The following ACSL4 variants were observed in gnomAD, a reference collection of about 807,000 sequenced individuals.
The protein encoded by ACSL4 is acyl-CoA synthetase long chain family member 4.
Under a neutral mutation model 49.1 loss-of-function variants are expected in ACSL4, and 9 were observed. The observed-to-expected ratio is 0.18, with a 90% CI of 0.11 to 0.32. The LOEUF is 0.32. Ranked by LOEUF, ACSL4 falls within the 10% of genes least tolerant of loss-of-function variation. The pLI, the probability that ACSL4 is intolerant of heterozygous loss-of-function variation, is 1.00. For missense variants in ACSL4, 333 were observed against 493.7 expected (o/e 0.67, Z 3.08); for synonymous variants, 191 against 170.3 (o/e 1.12, Z -0.95).
chrX:109,730,716 G>A lies in ACSL4; in HGVS notation c.-66+2423C>T, dbSNP rs924712392. ...CAATTACAGTTGTAAGGCAGTATGT[G>A]AGTGCGGTGGCGCGATCTCGGCTCA... On this transcript the variant is annotated intron_variant, in intron 1 of 15. Coordinates refer to ENST00000672401, the MANE Select transcript of ACSL4 (RefSeq NM_001318510.2). Among the ~76,000 whole-genome samples the A allele has an allele frequency of 2.7e-5, 3 of 112,623 alleles. No homozygotes were observed. In the Admixed American group the frequency reaches 2.8e-4, roughly 11 times the overall value.
At position 109,678,575 on chromosome X, in the gene ACSL4, A is replaced by G. The variant is rs149379265; in HGVS notation, c.656-160T>C. On this transcript the variant is annotated intron_variant, in intron 6 of 15. Coordinates refer to ENST00000672401, the MANE Select transcript of ACSL4 (RefSeq NM_001318510.2). ...CTGGGTGAGGTGGCTCATGCCTGTAATCCTAGTACTTTGAGAGGCCAAGGT... is the reference window on the plus strand; with the variant it reads ...CTGGGTGAGGTGGCTCATGCCTGTAGTCCTAGTACTTTGAGAGGCCAAGGT... Among the ~76,000 whole-genome samples the G allele has an allele frequency of 3.9e-3, 435 of 112,785 alleles. 4 individuals carry two copies. Among genetic ancestry groups the G allele is most frequent in the Non-Finnish European group, 7.1e-3 (379 of 53,319 alleles).
At position 109,641,446 on chromosome X, in the gene ACSL4, T is replaced by C. The variant is rs920426634; in HGVS notation, c.*2583A>G. 8.8e-6 allele frequency: 1 copy of C among 113,242 alleles called. No homozygotes were observed. Among genetic ancestry groups the C allele is most frequent in the Admixed American group, 9.3e-5 (1 of 10,714 alleles). 9.3% of individuals were successfully genotyped at this position (113,242 alleles called of 1,213,427 possible). ...CAAAATCTAAACAATTCTGCAATCATGCATTTTAACAGAAAGTACAAATAT... is the reference window on the plus strand; with the variant it reads ...CAAAATCTAAACAATTCTGCAATCACGCATTTTAACAGAAAGTACAAATAT... On this transcript the variant is annotated 3_prime_UTR_variant, in exon 16 of 16. Transcript: ENST00000672401.
intron 15 of ACSL4, among the ~76,000 whole-genome samples, chrX:109,650,130 G>C (rs1934952229): frequency 9.0e-6 from 1 of 111,299 alleles, no homozygotes; most frequent in Non-Finnish European, 1.9e-5. Context: ...GATTCCTCAG[G>C]GATCTAGAAC....
At chrX:109,722,872 T>C (rs1324951467) in intron 1 of ACSL4, among the ~76,000 whole-genome samples, 3 of 111,699 alleles carry the variant, frequency 2.7e-5, no homozygotes, top group South Asian at 3.7e-4. Flanking sequence ...CAAATCAGTA[T>C]GTACAGTAAA....
At chrX:109,666,907 T>A (rs749707708) in intron 11 of ACSL4, among the ~76,000 whole-genome samples, 1 of 111,741 alleles carries the variant, frequency 8.9e-6, no homozygotes, top group Non-Finnish European at 1.9e-5. Context: ...AGAGCAAGAC[T>A]CTGTCTCAAA....
chrX:109,684,191 G>A (rs1453235447), intron 2 of ACSL4, among the ~76,000 whole-genome samples: 3 of 112,206 alleles, frequency 2.7e-5, no homozygotes, highest in Non-Finnish European at 5.6e-5. Context: ...CTTCATTAAG[G>A]TAAATTTCTC....
intron 8 of ACSL4, among the ~76,000 whole-genome samples, chrX:109,677,656 C>A (rs1339531631): frequency 9.1e-6 from 1 of 109,726 alleles, no homozygotes; most frequent in Non-Finnish European, 1.9e-5. Flanking sequence ...TGGCGGGCGC[C>A]TGCAATCCCA....
chrX:109,667,657 G>A lies in ACSL4; in HGVS notation c.1315+444C>T, dbSNP rs188207412. Among the ~76,000 whole-genome samples the A allele has an allele frequency of 2.1e-3, 241 of 112,118 alleles. 1 individual carries two copies. Among genetic ancestry groups the A allele is most frequent in the Middle Eastern group, 9.2e-3 (2 of 218 alleles). ...ACCGCCTGTAATCCCAGCACTTTGG[G>A]AGGCCGAGGCAGGCAGATCACCTGA... On this transcript the variant is annotated intron_variant, in intron 11 of 15. Transcript: ENST00000672401.
intron 15 of ACSL4, among the ~76,000 whole-genome samples, chrX:109,653,861 C>T (rs1340189950): frequency 1.8e-5 from 2 of 108,243 alleles, no homozygotes; most frequent in East Asian, 2.9e-4. Flanking sequence ...TGCTAAATGA[C>T]GAGTTAATGG....
At chrX:109,724,587 T>C (rs187320639) in intron 1 of ACSL4, among the ~76,000 whole-genome samples, 4 of 111,503 alleles carry the variant, frequency 3.6e-5, no homozygotes, top group African/African-American at 9.8e-5. Context: ...GTTGGAACCA[T>C]AGGCACATGG....
chrX:109,689,810 G>C (rs148106807), intron 2 of ACSL4, among the ~76,000 whole-genome samples: 2 of 111,699 alleles, frequency 1.8e-5, no homozygotes, highest in Non-Finnish European at 3.8e-5. Context: ...CATGTTTACT[G>C]TCTATGCTCC....
chrX:109,702,147 G>A (rs1173381810), intron 1 of ACSL4, among the ~76,000 whole-genome samples: 3 of 110,036 alleles, frequency 2.7e-5, no homozygotes, highest in African/African-American at 9.9e-5. Flanking sequence ...CCCGGGAGGC[G>A]GAGGTTGCAG....
chrX:109,689,118 A>G (rs1478795025), intron 2 of ACSL4, among the ~76,000 whole-genome samples: 1 of 111,149 alleles, frequency 9.0e-6, no homozygotes, highest in Admixed American at 9.6e-5. Context: ...ACTTGCTTTG[A>G]CCAAAAACCT....
intron 15 of ACSL4, among the ~76,000 whole-genome samples, chrX:109,645,880 A>C (rs1304760997): frequency 8.9e-6 from 1 of 112,629 alleles, no homozygotes; most frequent in African/African-American, 3.2e-5. Context: ...AGAATGCAGA[A>C]GCCTCAGGAG....
Position 109,669,020 on chromosome X carries a change from T to A in ACSL4, c.1142+14A>T. 1 of 1,199,410 alleles carries A rather than the reference T, an allele frequency of 8.3e-7. No homozygotes were observed. Among genetic ancestry groups the A allele is most frequent in the Non-Finnish European group, 1.1e-6 (1 of 886,282 alleles). On this transcript the variant is annotated intron_variant, in intron 10 of 15. Coordinates refer to ENST00000672401, the MANE Select transcript of ACSL4 (RefSeq NM_001318510.2). The stretch of plus-strand genomic sequence containing the variant: ...TTAAAGGCTCAAACCACAGAGCCTA[T>A]GAAATGTACTTACAGATTGCAAAGA...
At position 109,711,992 on chromosome X, in the gene ACSL4, T is replaced by C. The variant is rs551895028; in HGVS notation, c.-65-15796A>G. ...ATGTAGAAAGGAAACCAAAAAAGGA[T>C]TTCCAAGATAAATCTTTCAATCTGA... On this transcript the variant is annotated intron_variant, in intron 1 of 15. Transcript: ENST00000672401. Among the ~76,000 whole-genome samples, 10 of 112,209 alleles carry C rather than the reference T, an allele frequency of 8.9e-5. No individual in the cohort carries two copies. In the South Asian group the frequency reaches 1.5e-3, roughly 17 times the overall value.
intron 8 of ACSL4, among the ~76,000 whole-genome samples, chrX:109,677,116 C>T (rs1362588717): frequency 9.1e-6 from 1 of 110,041 alleles, no homozygotes; most frequent in East Asian, 2.9e-4. Flanking sequence ...CCCACCACCT[C>T]GCCCAGCTAA....
chrX:109,670,533 C>T (rs1923091240), intron 9 of ACSL4, among the ~76,000 whole-genome samples: 1 of 105,355 alleles, frequency 9.5e-6, no homozygotes, highest in African/African-American at 3.5e-5. Context: ...TGCAGTGAGC[C>T]GACATCACAC....
At chrX:109,707,284 A>G (rs1027044757) in intron 1 of ACSL4, among the ~76,000 whole-genome samples, 3 of 112,049 alleles carry the variant, frequency 2.7e-5, no homozygotes, top group African/African-American at 9.7e-5. Context: ...CTGGGGGTCC[A>G]TAAAAACTAG....
Sources: allele counts gnomAD v4.1 joint callset (sites outside exome capture counted in the v4.1 genomes callset), GRCh38; gene constraint gnomAD v4.1.1; transcripts MANE v1.5; gene names NCBI Gene and HGNC (gene_info 2026-07-23, HGNC 2026-07-21).